Variants in PEAR1 observed in about 807,000 individuals in gnomAD.
PEAR1 encodes platelet endothelial aggregation receptor 1, also known as multiple EGF-like domains protein 12.
Under a neutral mutation model 131.2 loss-of-function variants are expected in PEAR1, and 113 were observed. That is an observed-to-expected ratio of 0.86 (90% CI 0.74 to 1.01). The LOEUF is 1.01. Among genes scored for constraint, PEAR1 ranks in the 50% least tolerant of loss-of-function variants. The pLI is 0.00. For missense variants in PEAR1, 1,408 were observed against 1,391.1 expected, an observed-to-expected ratio of 1.01 and a Z score of -0.19; for synonymous variants, 565 against 523.3, an observed-to-expected ratio of 1.08 and a Z score of -1.09.
intron 1 of PEAR1, among the ~76,000 whole-genome samples, chr1:156,895,326 C>G (rs745894369): frequency 6.6e-6 from 1 of 152,250 alleles, no homozygotes; most frequent in Non-Finnish European, 1.5e-5. Flanking sequence ...TGTGCCTCCC[C>G]GCACCCGACA....
chr1:156,907,599 C>T lies in PEAR1; in HGVS notation c.645-11C>T. The T allele has an allele frequency of 6.2e-7, 1 of 1,604,116 alleles. No individual in the cohort carries two copies. The highest frequency in any genetic ancestry group is 1.1e-5 in the South Asian group (1 of 89,412). ...TGTTTGCACATTGACTCCACCCACTCTGTCCTGCAGCTGTGACGTGTCCTG... is the reference window on the plus strand; with the variant it reads ...TGTTTGCACATTGACTCCACCCACTTTGTCCTGCAGCTGTGACGTGTCCTG... On this transcript the variant is annotated splice_polypyrimidine_tract_variant and intron_variant, in intron 6 of 22. Coordinates refer to ENST00000292357, the MANE Select transcript of PEAR1 (RefSeq NM_001080471.3).
chr1:156,908,627 C>A lies in PEAR1; in HGVS notation c.1116-28C>A. 1 of 1,497,366 alleles carries A rather than the reference C, an allele frequency of 6.7e-7. No homozygotes were observed. Among genetic ancestry groups the A allele is most frequent in the Non-Finnish European group, 8.9e-7 (1 of 1,125,942 alleles). 92.8% of individuals were successfully genotyped at this position (1,497,366 alleles called of 1,614,324 possible). ...TGCCCTGCCCCTGCCCAGCTCAGAC[C>A]GCGCCACGCCCCCGCCTCTGCCCCC... On this transcript the variant is annotated intron_variant, in intron 9 of 22. Transcript: ENST00000292357. This position sits in a 1 kb window ranked among gnomAD's most constrained non-coding sequence, Gnocchi z 4.2.
chr1:156,900,918 G>A (rs1424650087), intron 1 of PEAR1, among the ~76,000 whole-genome samples: 1 of 152,200 alleles, frequency 6.6e-6, no homozygotes, highest in Admixed American at 6.5e-5. Flanking sequence ...TGCTGTGGCT[G>A]GAAGGGGTTG....
chr1:156,908,133 G>T lies in PEAR1; in HGVS notation c.908G>T (p.Arg303Leu), dbSNP rs199628333. The T allele has an allele frequency of 4.5e-5, 72 of 1,597,802 alleles. No individual in the cohort carries two copies. In the Middle Eastern group the frequency reaches 5.0e-4, roughly 11 times the overall value. ...CAPGYTGDRC[R>L]EECPVGRFGQ... ...TCACTCAGCTAGGTGCCCAGGTGCCGGGAGGAGTGCCCGGTGGGCCGCTTT... is the reference window on the plus strand; with the variant it reads ...TCACTCAGCTAGGTGCCCAGGTGCCTGGAGGAGTGCCCGGTGGGCCGCTTT... The change falls in exon 9 of 23, where the codon CGG becomes CTG. Residue 303 changes from arginine (R) to leucine (L), a missense_variant. Arg to Leu is a moderately radical substitution (Grantham distance 102, BLOSUM62 -2). Transcript: ENST00000292357. This position sits in a 1 kb window ranked among gnomAD's most constrained non-coding sequence, Gnocchi z 4.2.
chr1:156,909,350 G>GA (rs1650775237), intron 11 of PEAR1, among the ~76,000 whole-genome samples: 1 of 152,172 alleles, frequency 6.6e-6, no homozygotes, highest in South Asian at 2.1e-4. Flanking sequence ...CTGCCAGAGT[G>GA]ACACATTGGC....
rs749036497 is a variant in PEAR1, at chr1:156,908,316, C to A, written c.1091C>A (p.Thr364Asn). The A allele has an allele frequency of 2.6e-6, 4 of 1,552,666 alleles. No individual in the cohort carries two copies. Among genetic ancestry groups the A allele is most frequent in the Non-Finnish European group, 3.5e-6 (4 of 1,153,238 alleles). ...FYGLSCQAPC[T>N]CDREHSLSCH... Reference sequence around the variant, plus strand: ...GGTCTCAGCTGCCAGGCCCCCTGCACCTGCGACCGGGAGCACAGCCTCAGG... The same window carrying A: ...GGTCTCAGCTGCCAGGCCCCCTGCAACTGCGACCGGGAGCACAGCCTCAGG... The change falls in exon 9 of 23, where the codon ACC (threonine) becomes AAC (asparagine). Residue 364 changes from threonine to asparagine, a missense_variant. Transcript: ENST00000292357. The surrounding 1 kb of genome is among the most constrained non-coding windows in gnomAD (Gnocchi z 4.2).
In PEAR1 at chr1:156,903,967, G is replaced by T. The variant is rs1558127860; in HGVS notation, c.41G>T (p.Gly14Val). Reference sequence around the variant, plus strand: ...TGTCCCCTCCTTCTCCTGGCTGTGGGCCTGCGGCTGGCTGGAACTCTCAAC... The same window carrying T: ...TGTCCCCTCCTTCTCCTGGCTGTGGTCCTGCGGCTGGCTGGAACTCTCAAC... ...PLCPLLLLAV[G>V]LRLAGTLNPS... Residue 14 changes from glycine to valine, a missense_variant, in exon 2 of 23, where the codon GGC (glycine) becomes GTC (valine). Transcript: ENST00000292357. 1 of 1,614,068 alleles carries T rather than the reference G, an allele frequency of 6.2e-7. No individual in the cohort carries two copies. Among genetic ancestry groups the T allele is most frequent in the Non-Finnish European group, 8.5e-7 (1 of 1,180,002 alleles).
At position 156,903,912 on chromosome 1, in the gene PEAR1, C is replaced by T. The variant is rs777615509; in HGVS notation, c.-9-6C>T. 6.2e-7 allele frequency: 1 copy of T among 1,610,822 alleles called. No homozygotes were observed. Among genetic ancestry groups the T allele is most frequent in the South Asian group, 1.1e-5 (1 of 91,008 alleles). ...CACTGCCCACTCTGCGCCGGTCTTG[C>T]TGCAGGCCTCTGCAATGTCACCGCC... On this transcript the variant is annotated splice_region_variant and splice_polypyrimidine_tract_variant and intron_variant, in intron 1 of 22. Transcript: ENST00000292357.
chr1:156,909,128 G>C, intron 11 of PEAR1, 92 bp downstream of exon 11: 1 of 1,552,360 alleles, frequency 6.4e-7, no homozygotes, highest in South Asian at 1.2e-5. Context: ...AAGGGCAGGG[G>C]AGCGGCTGCA....
Position 156,912,803 on chromosome 1 carries a change from C to T in PEAR1, c.2243C>T (p.Thr748Ile). ...GAGCCCTTTACTGTGATGCCGACCA[C>T]TCCAGTAGCGTATAACTCGCTGGGT... is the stretch of plus-strand genomic sequence containing the variant. ...IQEPFTVMPT[T>I]PVAYNSLGAV... Residue 748 changes from threonine (T) to isoleucine (I), a missense_variant, in exon 18 of 23, where the codon ACT (threonine) becomes ATT (isoleucine). Coordinates refer to ENST00000292357, the MANE Select transcript of PEAR1 (RefSeq NM_001080471.3). 4.3e-6 allele frequency: 7 copies of T among 1,614,254 alleles called. No individual in the cohort carries two copies. In the East Asian group the frequency reaches 1.6e-4, roughly 36 times the overall value.
chr1:156,904,718 T>C, intron 2 of PEAR1, 30 bp from the exon 3 acceptor site: 1 of 1,579,364 alleles, frequency 6.3e-7, no homozygotes, highest in Non-Finnish European at 8.6e-7. Flanking sequence ...CCTCCTGCCC[T>C]CGGCCCTGAC....
chr1:156,897,589 C>T (rs772685434), intron 1 of PEAR1, among the ~76,000 whole-genome samples: 1 of 152,232 alleles, frequency 6.6e-6, no homozygotes, highest in African/African-American at 2.4e-5. Flanking sequence ...GAGCCAGCCT[C>T]AGGGCATTCA....
At position 156,913,701 on chromosome 1, in the gene PEAR1, G is replaced by A. The variant is rs11264581; in HGVS notation, c.2654G>A (p.Arg885His). Residue 885 changes from arginine to histidine, a missense_variant, in exon 21 of 23, where the codon CGC becomes CAC. Transcript: ENST00000292357. ...PPGPLDRGSS[R>H]LDRSYSYSYS... is the part of the protein sequence containing the mutation. ...GCCTCCTCCTCCTCAGGGAGCAGCC[G>A]CCTGGACCGAAGCTACAGCTATAGC... The A allele has an allele frequency of 0.19, 312,214 of 1,613,152 alleles. 33,000 individuals carry two copies. The highest frequency in any genetic ancestry group is 0.44 in the East Asian group (19,667 of 44,842).
rs1275134121 is a variant in PEAR1 at position 156,908,700 on chromosome 1, G to A, written c.1161G>A (p.Ala387=). 19 of 1,539,752 alleles carry A rather than the reference G, an allele frequency of 1.2e-5. No individual in the cohort carries two copies. Among genetic ancestry groups the A allele is most frequent in the African/African-American group, 2.7e-5 (2 of 73,062 alleles). ...NGECSCLPGW[A]GLHCNESCPQ... ...AGTGCTCCTGCCTGCCGGGCTGGGC[G>A]GGCCTCCACTGCAACGAGAGCTGCC... Residue 387 remains alanine, a synonymous_variant, in exon 10 of 23, where the codon GCG becomes GCA. Transcript: ENST00000292357. This position sits in a 1 kb window ranked among gnomAD's most constrained non-coding sequence, Gnocchi z 4.2.
chr1:156,896,543 T>A (rs1023079360), intron 1 of PEAR1, among the ~76,000 whole-genome samples: 2 of 152,244 alleles, frequency 1.3e-5, no homozygotes, highest in Non-Finnish European at 2.9e-5. Flanking sequence ...GGGTTGCGAT[T>A]GATGTGTGAA....
At chr1:156,894,632 T>TG (rs1287119715) in intron 1 of PEAR1, among the ~76,000 whole-genome samples, 1 of 152,214 alleles carries the variant, frequency 6.6e-6, no homozygotes, top group East Asian at 1.9e-4. Context: ...GGTGGGTGTG[T>TG]GGGGGGTCCA....
Position 156,913,731 on chromosome 1 carries a change from G to T in PEAR1, c.2684G>T (p.Ser895Ile). 1 of 1,614,106 alleles carries T rather than the reference G, an allele frequency of 6.2e-7. No homozygotes were observed. ...RLDRSYSYSYSNGPGPFYNKG... is the reference protein window; with the variant it reads ...RLDRSYSYSYINGPGPFYNKG... Reference sequence around the variant, plus strand: ...GACCGAAGCTACAGCTATAGCTACAGCAATGGCCCAGGCCCATTCTACAAT... The same window carrying T: ...GACCGAAGCTACAGCTATAGCTACATCAATGGCCCAGGCCCATTCTACAAT... Residue 895 changes from serine (S) to isoleucine (I), a missense_variant, in exon 21 of 23, where the codon AGC (serine) becomes ATC (isoleucine). By Grantham distance (142) the Ser-to-Ile change is moderately radical. Transcript: ENST00000292357.
chr1:156,894,649 C>T (rs115134729), intron 1 of PEAR1, among the ~76,000 whole-genome samples: 1,983 of 152,272 alleles, frequency 0.013, 53 homozygotes, highest in African/African-American at 0.046. Context: ...TCCAGGAGCC[C>T]AGGCCCCAGC....
In PEAR1 at chr1:156,912,849, G is replaced by A. The variant is rs756755924; in HGVS notation, c.2289G>A (p.Val763=). ...NSLGAVIGIA[V]LGSLVVALVA... ...TGGGTGCAGTGATTGGCATTGCAGTGCTGGGGTCCCTTGTGGTAGCCCTGG... is the reference window on the plus strand; with the variant it reads ...TGGGTGCAGTGATTGGCATTGCAGTACTGGGGTCCCTTGTGGTAGCCCTGG... The change falls in exon 18 of 23, where the codon GTG becomes GTA. Residue 763 remains valine (V), a synonymous_variant. Transcript: ENST00000292357. 6.2e-7 allele frequency: 1 copy of A among 1,614,248 alleles called. No individual in the cohort carries two copies. Among genetic ancestry groups the A allele is most frequent in the Non-Finnish European group, 8.5e-7 (1 of 1,180,042 alleles).
Sources: gnomAD v4.1 joint callset for allele counts (sites outside exome capture counted in the v4.1 genomes callset) on GRCh38, gnomAD v4.1.1 for gene constraint, Gnocchi (gnomAD v3.1) non-coding constraint, MANE v1.5 for transcripts, NCBI Gene and HGNC (gene_info 2026-07-23, HGNC 2026-07-21) for gene names.